Variants in DOK7 observed in about 807,000 individuals in gnomAD.
DOK7 encodes protein Dok-7.
A neutral mutation model predicts 30.7 loss-of-function variants in DOK7; 32 were observed. The observed-to-expected ratio is 1.04, with a 90% confidence interval of 0.79 to 1.40. The LOEUF is 1.40. Ranked by LOEUF, DOK7 falls within the 40% of genes most tolerant of loss-of-function variation. The pLI is 0.00. For missense variants in DOK7, 1,007 were observed against 699.2 expected (o/e 1.44, Z -4.97); for synonymous variants, 447 against 324.1 (o/e 1.38, Z -4.07).
At chr4:3,500,308 C>T (rs549610214) in exon 7 of DOK7, 117 of 1,535,930 alleles carry the variant, frequency 7.6e-5, no homozygotes, top group Non-Finnish European at 9.0e-5. Flanking sequence ...CGCGGCGAGT[C>T]GCCCACTTAC....
In DOK7 at chr4:3,489,666, C is replaced by T. The variant is rs1216124672; in HGVS notation, c.653-11C>T. On this transcript the variant is annotated splice_polypyrimidine_tract_variant and intron_variant, in intron 5 of 6. Transcript: ENST00000340083. The stretch of plus-strand genomic sequence containing the variant: ...GGCCACCTCCTCCACCGAGTCTTCT[C>T]TCTGCCACAGACCCAAGTCCCCCGG... 1.9e-6 allele frequency: 3 copies of T among 1,564,662 alleles called. No homozygotes were observed. Among genetic ancestry groups the T allele is most frequent in the Non-Finnish European group, 2.6e-6 (3 of 1,154,964 alleles).
At chr4:3,498,433 C>T (rs1729030201), downstream of DOK7, among the ~76,000 whole-genome samples, 1 of 152,206 alleles carries the variant, frequency 6.6e-6, no homozygotes, top group South Asian at 2.1e-4. Context: ...CCTCACCCCT[C>T]ACCGCCCAAC....
downstream of DOK7, among the ~76,000 whole-genome samples, chr4:3,497,991 G>A (rs545234107): frequency 2.8e-4 from 42 of 152,316 alleles, no homozygotes; most frequent in African/African-American, 1.0e-3. Context: ...TGGGGATCAA[G>A]GGGACAGGCC....
intron 5 of DOK7, among the ~76,000 whole-genome samples, chr4:3,486,852 G>T (rs553598250): frequency 1.3e-5 from 2 of 152,184 alleles, no homozygotes; most frequent in South Asian, 2.1e-4. Context: ...GCAGGGCGGG[G>T]ACAGGGCCGG....
At chr4:3,500,074 G>A (rs987692835) in intron 6 of DOK7, among the ~76,000 whole-genome samples, 1 of 151,820 alleles carries the variant, frequency 6.6e-6, no homozygotes, top group Admixed American at 6.6e-5. Context: ...CCTCAGGATG[G>A]GGCAGCGCTG....
At chr4:3,492,058 G>A (rs1001484161) in intron 6 of DOK7, among the ~76,000 whole-genome samples, 5 of 152,238 alleles carry the variant, frequency 3.3e-5, no homozygotes, top group Admixed American at 3.3e-4. Flanking sequence ...GTGACTCACA[G>A]CTGCTTTCCA....
rs751494151 is a variant in DOK7, at chr4:3,492,789, C to T, written c.803C>T (p.Ser268Leu). ...GACCGCAGCCTGTCCAGCTCATCCT[C>T]AGAGGCCAGTCACTTGGACGTCAGC... Reference protein sequence around the residue: ...GDDRSLSSSSSEASHLDVSAS... With the variant: ...GDDRSLSSSSLEASHLDVSAS... The change falls in exon 7 of 7, where the codon TCA (serine) becomes TTA (leucine). Residue 268 changes from serine (S) to leucine (L), a missense_variant. Ser to Leu is a moderately radical substitution (Grantham distance 145). Coordinates refer to ENST00000340083, the MANE Select transcript of DOK7 (RefSeq NM_173660.5). The T allele has an allele frequency of 1.2e-5, 20 of 1,612,790 alleles. No homozygotes were observed. The South Asian group carries it at 2.1e-4, about 17-fold the overall frequency.
chr4:3,494,282 G>T lies in DOK7; in HGVS notation c.*781G>T. ...TTGGCCTGTGTTTCCCCTGGCCCAGGCCTCAGCCCCTGCGTCGGAGGTGGG... is the reference window on the plus strand; with the variant it reads ...TTGGCCTGTGTTTCCCCTGGCCCAGTCCTCAGCCCCTGCGTCGGAGGTGGG... On this transcript the variant is annotated 3_prime_UTR_variant, in exon 7 of 7. Transcript: ENST00000340083. 4 of 985,612 alleles carry T rather than the reference G, an allele frequency of 4.1e-6. No homozygotes were observed. The South Asian group carries it at 1.4e-4, about 35-fold the overall frequency. 61.1% of individuals were successfully genotyped at this position (985,612 alleles called of 1,614,324 possible). A position where few individuals can be genotyped will look rare whatever the true frequency, so the allele number is the denominator to read the frequency against.
Position 3,493,895 on chromosome 4 carries a change from T to C in DOK7, c.*394T>C. 1 of 1,069,006 alleles carries C rather than the reference T, an allele frequency of 9.4e-7. No individual in the cohort carries two copies. The highest frequency in any genetic ancestry group is 1.7e-5 in the African/African-American group (1 of 59,270). The allele number at this position is 1,069,006 out of a possible 1,614,324, so 66.2% of individuals were successfully genotyped here. A position where few individuals can be genotyped will look rare whatever the true frequency, so the allele number is the denominator to read the frequency against. The stretch of plus-strand genomic sequence containing the variant: ...TTGGGCCTCACGCCCCCTTCGGGGG[T>C]GGCCGGTTCTCCCCATCACCTCTCT... On this transcript the variant is annotated 3_prime_UTR_variant, in exon 7 of 7. Transcript: ENST00000340083.
At chr4:3,464,053 T>TC (rs33994016) in intron 2 of DOK7, among the ~76,000 whole-genome samples, 8 of 151,284 alleles carry the variant, frequency 5.3e-5, no homozygotes, top group East Asian at 2.0e-4. Context: ...GAGGCAGGGG[T>TC]CCCCCCCCAG....
At position 3,489,790 on chromosome 4, in the gene DOK7, A is replaced by T. The variant is rs750004938; in HGVS notation, c.766A>T (p.Ser256Cys). The T allele has an allele frequency of 1.9e-6, 3 of 1,573,860 alleles. No homozygotes were observed. Among genetic ancestry groups the T allele is most frequent in the Non-Finnish European group, 2.6e-6 (3 of 1,159,384 alleles). ...SLLSHAGRPGSGGDDRSLSSS... is the reference protein window; with the variant it reads ...SLLSHAGRPGCGGDDRSLSSS... ...CCTCTCACATGCGGGCAGGCCGGGC[A>T]GTGGAGGTAGGGCCGGGGGCTGACC... The change falls in exon 6 of 7, where the codon AGT becomes TGT. Residue 256 changes from serine (S) to cysteine (C), a missense_variant. Physicochemically the swap from Ser to Cys is moderately radical, Grantham distance 112. Transcript: ENST00000340083.
At chr4:3,497,020 G>A (rs145085444), downstream of DOK7, among the ~76,000 whole-genome samples, 413 of 151,932 alleles carry the variant, frequency 2.7e-3, 2 homozygotes, top group African/African-American at 8.8e-3. Flanking sequence ...AGTGGTTGTT[G>A]GCTGACAGTG....
chr4:3,497,925 C>A (rs989898737), downstream of DOK7, among the ~76,000 whole-genome samples: 1 of 152,186 alleles, frequency 6.6e-6, no homozygotes, highest in Non-Finnish European at 1.5e-5. Flanking sequence ...TCCCCGAGGC[C>A]ACCCGTACCC....
chr4:3,470,538 C>G (rs1193788542), intron 2 of DOK7, among the ~76,000 whole-genome samples: 3 of 152,174 alleles, frequency 2.0e-5, no homozygotes, highest in African/African-American at 7.2e-5. Flanking sequence ...AGCATGCGCC[C>G]CACCACCAGC....
rs183636629 is a variant in DOK7 at position 3,484,508 on chromosome 4, G to A, written c.533-1031G>A. 2.1e-5 allele frequency: 21 copies of A among 985,518 alleles called. No homozygotes were observed. In the African/African-American group the frequency reaches 2.6e-4, roughly 12 times the overall value. 61.0% of individuals were successfully genotyped at this position (985,518 alleles called of 1,614,324 possible). ...GGATTCCTGTGAGGTGACGCCAGCCGGAGTGTCCAGCCGGGTGCAGCCAGC... is the reference window on the plus strand; with the variant it reads ...GGATTCCTGTGAGGTGACGCCAGCCAGAGTGTCCAGCCGGGTGCAGCCAGC... On this transcript the variant is annotated intron_variant, in intron 4 of 6. Transcript: ENST00000340083.
At position 3,493,045 on chromosome 4, in the gene DOK7, G is replaced by C. The variant is rs781086422; in HGVS notation, c.1059G>C (p.Ser353=). The C allele has an allele frequency of 1.3e-6, 2 of 1,573,136 alleles. No individual in the cohort carries two copies. The highest frequency in any genetic ancestry group is 1.1e-5 in the South Asian group (1 of 87,174). ...ACTCCTCTTACTCCAGCAGCCTCTCGTCCTACGCGGGCAGCAGCCTGGACG... is the reference window on the plus strand; with the variant it reads ...ACTCCTCTTACTCCAGCAGCCTCTCCTCCTACGCGGGCAGCAGCCTGGACG... ...GSHSSYSSSL[S]SYAGSSLDVW... Residue 353 remains serine, a synonymous_variant, in exon 7 of 7, where the codon TCG becomes TCC. Transcript: ENST00000340083.
chr4:3,476,204 GCCCA>G (rs1727057246), intron 3 of DOK7, 134 bp from the exon 4 acceptor site: 11 of 150,560 alleles, frequency 7.3e-5, no homozygotes, highest in Middle Eastern at 1.8e-3. Context: ...CACCTCACCC[GCCCA>G]TGATGCCCTC....
rs1052367187 is a variant in DOK7 at position 3,476,494 on chromosome 4, G to A, written c.484G>A (p.Ala162Thr). Residue 162 changes from alanine to threonine, a missense_variant, in exon 4 of 7, where the codon GCC becomes ACC. Coordinates refer to ENST00000340083, the MANE Select transcript of DOK7 (RefSeq NM_173660.5). Reference sequence around the variant, plus strand: ...GCTGTCTGACCTCCGGCGCTACGGGGCCGTGCCAAGCGGATTCATCTTTGA... The same window carrying A: ...GCTGTCTGACCTCCGGCGCTACGGGACCGTGCCAAGCGGATTCATCTTTGA... Reference protein sequence around the residue: ...WKLSDLRRYGAVPSGFIFEGG... With the variant: ...WKLSDLRRYGTVPSGFIFEGG... 1 of 1,613,928 alleles carries A rather than the reference G, an allele frequency of 6.2e-7. No individual in the cohort carries two copies.
At chr4:3,500,730 GCCA>G in exon 8 of DOK7, 1 of 1,535,526 alleles carries the variant, frequency 6.5e-7, no homozygotes, top group Non-Finnish European at 8.7e-7. Flanking sequence ...CGACATCATG[GCCA>G]CCGAGACGGC....
Sources: allele counts gnomAD v4.1 joint callset (sites outside exome capture counted in the v4.1 genomes callset), GRCh38; gene constraint gnomAD v4.1.1; transcripts MANE v1.5; gene names NCBI Gene and HGNC (gene_info 2026-07-23, HGNC 2026-07-21).